LRRC4C: variants seen among roughly 807,000 people sequenced by gnomAD.
LRRC4C encodes the protein leucine rich repeat containing 4C.
LRRC4C carries 5 observed loss-of-function variants against 33.6 expected under a neutral mutation model. The observed-to-expected ratio is 0.15, with a 90% CI of 0.08 to 0.31. The LOEUF (loss-of-function observed/expected upper bound fraction) is 0.31, where lower values mean the gene tolerates loss of function less well. Ranked by LOEUF, LRRC4C falls within the 10% of genes least tolerant of loss-of-function variation. The pLI, the probability that LRRC4C is intolerant of heterozygous loss-of-function variation, is 1.00. For missense variants in LRRC4C, 560 were observed against 796.7 expected (o/e 0.70, Z 3.58); for synonymous variants, 329 against 302.0 (o/e 1.09, Z -0.93).
intron 2 of LRRC4C, among the ~76,000 whole-genome samples, chr11:40,740,619 G>A (rs1948112353): frequency 6.6e-6 from 1 of 151,814 alleles, no homozygotes; most frequent in Non-Finnish European, 1.5e-5. Context: ...TCTTTGTTGT[G>A]CAGAAACGTT....
In LRRC4C at chr11:41,002,110, A is replaced by G. The variant is rs185520160; in HGVS notation, c.-495-68387T>C. On this transcript the variant is annotated intron_variant, in intron 1 of 6. Coordinates refer to ENST00000528697, the MANE Select transcript of LRRC4C (RefSeq NM_001258419.2). ...TTCTTCTTCGAAACCCCTTTTTTGT[A>G]TATGCTGAAGTTAAATATTAAAGAC... is the stretch of plus-strand genomic sequence containing the variant. Among the ~76,000 whole-genome samples, 7 of 152,086 alleles carry G rather than the reference A, an allele frequency of 4.6e-5. No homozygotes were observed. In the East Asian group the frequency reaches 1.4e-3, roughly 29 times the overall value.
intron 2 of LRRC4C, among the ~76,000 whole-genome samples, chr11:40,893,009 GT>G (rs1554989614): frequency 6.6e-6 from 1 of 151,454 alleles, no homozygotes; most frequent in Non-Finnish European, 1.5e-5. Flanking sequence ...ATCTCTATGT[GT>G]TTTTTTTCTA....
At chr11:41,155,744 T>C (rs1183039401) in intron 1 of LRRC4C, among the ~76,000 whole-genome samples, 2 of 152,166 alleles carry the variant, frequency 1.3e-5, no homozygotes, top group Non-Finnish European at 2.9e-5. Context: ...CAAGATGGAA[T>C]ACCCAATGTA....
chr11:40,278,291 G>T (rs1590891443), intron 4 of LRRC4C, among the ~76,000 whole-genome samples: 1 of 152,088 alleles, frequency 6.6e-6, no homozygotes, highest in East Asian at 1.9e-4. Flanking sequence ...ATCCCTGGGT[G>T]GGCAGAATCG....
At chr11:41,305,758 A>G (rs1393637397) in intron 1 of LRRC4C, among the ~76,000 whole-genome samples, 1 of 117,728 alleles carries the variant, frequency 8.5e-6, no homozygotes, top group Non-Finnish European at 1.8e-5. Context: ...CCAGGGACAC[A>G]AACACTGCGG....
chr11:41,135,771 A>G (rs1274098859), intron 1 of LRRC4C, among the ~76,000 whole-genome samples: 2 of 152,164 alleles, frequency 1.3e-5, no homozygotes, highest in Admixed American at 1.3e-4. Flanking sequence ...TTACTGTGTA[A>G]TGGAATAATA....
At chr11:40,835,209 T>A (rs1031367460) in intron 2 of LRRC4C, among the ~76,000 whole-genome samples, 2 of 152,178 alleles carry the variant, frequency 1.3e-5, no homozygotes, top group South Asian at 4.1e-4. Flanking sequence ...TTATTTTCTC[T>A]ATTTTTACAG....
At chr11:40,254,903 G>T (rs1219469121) in intron 4 of LRRC4C, among the ~76,000 whole-genome samples, 1 of 152,062 alleles carries the variant, frequency 6.6e-6, no homozygotes, top group Admixed American at 6.6e-5. Flanking sequence ...AGAACTCCTG[G>T]GCTCAAGCAA....
chr11:40,254,789 A>G (rs7106906), intron 4 of LRRC4C, among the ~76,000 whole-genome samples: 82,608 of 151,912 alleles, frequency 0.54, 23,668 homozygotes, highest in East Asian at 0.74. Flanking sequence ...ACAATCAAAA[A>G]ATGAGTAAGC....
chr11:40,947,530 G>A (rs1300573780), intron 1 of LRRC4C, among the ~76,000 whole-genome samples: 1 of 152,038 alleles, frequency 6.6e-6, no homozygotes, highest in African/African-American at 2.4e-5. Context: ...GTGGGAATAG[G>A]AATTCTTCCT....
intron 1 of LRRC4C, among the ~76,000 whole-genome samples, chr11:40,958,035 G>A (rs183189289): frequency 6.6e-6 from 1 of 151,628 alleles, no homozygotes; most frequent in Admixed American, 6.6e-5. Flanking sequence ...TTATAAAAGG[G>A]ATCCCAGCTA....
chr11:40,924,122 G>GTGTGTA (rs370589025), intron 2 of LRRC4C, among the ~76,000 whole-genome samples: 2,987 of 145,236 alleles, frequency 0.021, 50 homozygotes, highest in Admixed American at 0.047. Flanking sequence ...GTGTGTGTGT[G>GTGTGTA]TATATATATA....
At chr11:40,547,690 T>C (rs1956979779) in intron 3 of LRRC4C, among the ~76,000 whole-genome samples, 1 of 152,084 alleles carries the variant, frequency 6.6e-6, no homozygotes, top group Non-Finnish European at 1.5e-5. Context: ...TTAAACACCC[T>C]ATAGGACATA....
intron 1 of LRRC4C, among the ~76,000 whole-genome samples, chr11:41,178,414 T>C (rs550485454): frequency 3.9e-5 from 6 of 152,278 alleles, no homozygotes; most frequent in African/African-American, 1.2e-4. Context: ...GGCGTGATCA[T>C]GTAATCATAG....
rs12225724 is a variant in LRRC4C at position 40,699,043 on chromosome 11, T to C, written c.-406-50765A>G. Among the ~76,000 whole-genome samples the C allele has an allele frequency of 2.4e-3, 358 of 152,260 alleles. 8 individuals are homozygous for C. The East Asian group carries it at 0.039, about 17-fold the overall frequency. On this transcript the variant is annotated intron_variant, in intron 2 of 6. Transcript: ENST00000528697. ...GTTTTCATGGATGAGTTTCCTACTA[T>C]TCACCCTTTCCTCATCCCCTGTCCC...
intron 1 of LRRC4C, among the ~76,000 whole-genome samples, chr11:41,370,880 G>A (rs1283155822): frequency 6.6e-6 from 1 of 152,042 alleles, no homozygotes; most frequent in Non-Finnish European, 1.5e-5. Context: ...TACATTTTAT[G>A]TGGGCAACAT....
At chr11:40,352,086 C>T (rs7945087) in intron 3 of LRRC4C, among the ~76,000 whole-genome samples, 37,916 of 149,898 alleles carry the variant, frequency 0.25, 5,717 homozygotes, top group Non-Finnish European at 0.32. Context: ...TTTTATAGTT[C>T]CTTCCTTCCT....
At position 40,255,885 on chromosome 11, in the gene LRRC4C, T is replaced by G. The variant is rs190649424; in HGVS notation, c.-175-14287A>C. On this transcript the variant is annotated intron_variant, in intron 4 of 6. Transcript: ENST00000528697. ...CTTTAAAAAGAAGCCAAAAATATCCTGCAGAAAACAAATTTGATACTGCAT... is the reference window on the plus strand; with the variant it reads ...CTTTAAAAAGAAGCCAAAAATATCCGGCAGAAAACAAATTTGATACTGCAT... Among the ~76,000 whole-genome samples the G allele has an allele frequency of 7.9e-5, 12 of 152,338 alleles. No homozygotes were observed. In the East Asian group the frequency reaches 2.3e-3, roughly 29 times the overall value.
chr11:40,984,848 T>G (rs1451852331), intron 1 of LRRC4C, among the ~76,000 whole-genome samples: 1 of 143,078 alleles, frequency 7.0e-6, no homozygotes, highest in South Asian at 2.3e-4. Flanking sequence ...ACTTCTGACT[T>G]AAAGACCACA....
Sources: gnomAD v4.1 joint callset for allele counts (sites outside exome capture counted in the v4.1 genomes callset) on GRCh38, gnomAD v4.1.1 for gene constraint, MANE v1.5 for transcripts, NCBI Gene and HGNC (gene_info 2026-07-23, HGNC 2026-07-21) for gene names.